PLCG2: variants seen among roughly 807,000 people sequenced by gnomAD.
PLCG2 encodes the protein phospholipase C gamma 2, also known as 1-phosphatidylinositol 4,5-bisphosphate phosphodiesterase gamma-2.
Under a neutral mutation model 175.6 loss-of-function variants are expected in PLCG2, and 69 were observed. The ratio of observed to expected loss-of-function variants is 0.39; its 90% CI spans 0.32 to 0.48. PLCG2 has a LOEUF of 0.48. Ranked by LOEUF, PLCG2 falls within the 20% of genes least tolerant of loss-of-function variation. The pLI is 0.91. For synonymous variants in PLCG2, 827 were observed against 624.0 expected, an observed-to-expected ratio of 1.33 and a Z score of -4.85; for missense variants, 1,798 against 1,650.9, an observed-to-expected ratio of 1.09 and a Z score of -1.54.
chr16:81,808,835 C>T lies in PLCG2; in HGVS notation c.193+22653C>T, dbSNP rs547791894. The stretch of plus-strand genomic sequence containing the variant: ...AGCAAGCTCCATAGCCTCTGTGGGC[C>T]TGGCCTCTGTTTCCCCCTATGCAAA... On this transcript the variant is annotated intron_variant, in intron 2 of 32. Coordinates refer to ENST00000564138, the MANE Select transcript of PLCG2 (RefSeq NM_002661.5). Among the ~76,000 whole-genome samples the T allele has an allele frequency of 2.3e-4, 35 of 152,290 alleles. No individual in the cohort carries two copies. The South Asian group carries it at 5.2e-3, about 23-fold the overall frequency.
intron 2 of PLCG2, among the ~76,000 whole-genome samples, chr16:81,818,103 C>G (rs1397110000): frequency 3.9e-5 from 6 of 152,212 alleles, no homozygotes; most frequent in African/African-American, 1.4e-4. Flanking sequence ...GTGAGAATTA[C>G]AACACCTACT....
chr16:81,848,136 G>C (rs912914587), intron 2 of PLCG2, among the ~76,000 whole-genome samples: 3 of 152,220 alleles, frequency 2.0e-5, no homozygotes, highest in Admixed American at 6.5e-5. Context: ...AGAATAGAAA[G>C]ATTAGTAGAA....
rs75763423 is a variant in PLCG2 at position 81,833,616 on chromosome 16, A to G, written c.194-20828A>G. The stretch of plus-strand genomic sequence containing the variant: ...GTGATCACAGCTCACTGTACCTTCC[A>G]CCTCCTAGGATCAAGAAATGCTCCT... On this transcript the variant is annotated intron_variant, in intron 2 of 32. Transcript: ENST00000564138. 4.9e-3 allele frequency among the ~76,000 whole-genome samples: 715 copies of G among 146,200 alleles called. 6 individuals are homozygous for G. The highest frequency in any genetic ancestry group is 0.015 in the African/African-American group (581 of 39,384).
chr16:81,789,270 A>C (rs2143190124), intron 2 of PLCG2, among the ~76,000 whole-genome samples: 1 of 152,306 alleles, frequency 6.6e-6, no homozygotes, highest in South Asian at 2.1e-4. Flanking sequence ...ATACCATTTC[A>C]CTCGCTTACG....
At chr16:81,945,296 T>C (rs1300157887) in intron 30 of PLCG2, among the ~76,000 whole-genome samples, 1 of 152,208 alleles carries the variant, frequency 6.6e-6, no homozygotes, top group Non-Finnish European at 1.5e-5. Context: ...ACTTGGAGAA[T>C]CAGTAGATAT....
At chr16:81,745,752 G>T (rs934031262) in intron 1 of PLCG2, among the ~76,000 whole-genome samples, 1 of 152,220 alleles carries the variant, frequency 6.6e-6, no homozygotes, top group African/African-American at 2.4e-5. Context: ...TGACATTAGG[G>T]TCAGGGGGGA....
At chr16:81,790,971 C>G (rs1250128638) in intron 2 of PLCG2, among the ~76,000 whole-genome samples, 1 of 152,150 alleles carries the variant, frequency 6.6e-6, no homozygotes, top group Non-Finnish European at 1.5e-5. Context: ...AGAAACTGCT[C>G]TAGAGTCATG....
intron 31 of PLCG2, among the ~76,000 whole-genome samples, chr16:81,955,762 G>C (rs573467786): frequency 6.6e-6 from 1 of 152,344 alleles, no homozygotes; most frequent in African/African-American, 2.4e-5. Context: ...GATGCGTCTA[G>C]TTGGCCTTGC....
chr16:81,807,050 T>C (rs891659503), intron 2 of PLCG2, among the ~76,000 whole-genome samples: 11 of 152,202 alleles, frequency 7.2e-5, no homozygotes, highest in Non-Finnish European at 1.0e-4. Context: ...TCCTGAGTCG[T>C]CCATTCTACC....
Position 81,895,624 on chromosome 16 carries a change from C to G in PLCG2, c.1073-183C>G. On this transcript the variant is annotated intron_variant, in intron 12 of 32. Coordinates refer to ENST00000564138, the MANE Select transcript of PLCG2 (RefSeq NM_002661.5). ...AGCTTGTCTTGGACAGCTGCACTTG[C>G]ATTATGTAAGCGCACAGGGAACCCT... is the stretch of plus-strand genomic sequence containing the variant. The G allele has an allele frequency of 5.1e-6, 3 of 589,110 alleles. 1 individual carries two copies. Among genetic ancestry groups the G allele is most frequent in the South Asian group, 4.3e-5 (2 of 46,696 alleles). 36.5% of individuals were successfully genotyped at this position (589,110 alleles called of 1,614,324 possible).
chr16:81,817,022 G>A (rs764981075), intron 2 of PLCG2, among the ~76,000 whole-genome samples: 2 of 152,178 alleles, frequency 1.3e-5, no homozygotes, highest in African/African-American at 2.4e-5. Context: ...CACTGGATGC[G>A]TTAGATGCTG....
intron 2 of PLCG2, among the ~76,000 whole-genome samples, chr16:81,813,945 G>C (rs1904428476): frequency 6.6e-6 from 1 of 152,220 alleles, no homozygotes. Flanking sequence ...ACCTGTTGAT[G>C]GGAAGAAGTT....
In PLCG2 at chr16:81,874,029, A is replaced by G. The variant is rs568189201; in HGVS notation, c.648+3094A>G. ...TAGATTGCCCCGTGTGGAACTTTGTATGGCAAAGATTCTGCCGATACCAAA... is the reference window on the plus strand; with the variant it reads ...TAGATTGCCCCGTGTGGAACTTTGTGTGGCAAAGATTCTGCCGATACCAAA... On this transcript the variant is annotated intron_variant, in intron 7 of 32. Coordinates refer to ENST00000564138, the MANE Select transcript of PLCG2 (RefSeq NM_002661.5). Among the ~76,000 whole-genome samples the G allele has an allele frequency of 8.5e-5, 13 of 152,296 alleles. No homozygotes were observed. In the East Asian group the frequency reaches 2.1e-3, roughly 25 times the overall value.
chr16:81,921,383 C>T, intron 21 of PLCG2, 114 bp downstream of exon 21: 1 of 759,110 alleles, frequency 1.3e-6, no homozygotes, highest in Non-Finnish European at 2.4e-6. Flanking sequence ...GAAAACCTGG[C>T]CAAAATAATT....
chr16:81,889,432 C>A, intron 10 of PLCG2, 159 bp downstream of exon 10: 2 of 567,986 alleles, frequency 3.5e-6, no homozygotes, highest in Non-Finnish European at 6.4e-6. Flanking sequence ...CTTTTCTTTT[C>A]TTTTTTCTCC....
At chr16:81,921,174 T>G (rs1326824533) in intron 20 of PLCG2, 24 bp from the exon 21 acceptor site, 7 of 1,415,928 alleles carry the variant, frequency 4.9e-6, no homozygotes, top group Non-Finnish European at 7.0e-6. Context: ...ATTATTCCAT[T>G]TCTTTCTTTC....
chr16:81,767,034 C>G (rs578096825), intron 2 of PLCG2: 1 of 152,130 alleles, frequency 6.6e-6, no homozygotes, highest in Non-Finnish European at 1.5e-5. Flanking sequence ...TTGCTAGTCA[C>G]TCGTGCACAG....
chr16:81,758,890 C>G (rs1387651745), intron 2 of PLCG2, among the ~76,000 whole-genome samples: 4 of 152,138 alleles, frequency 2.6e-5, no homozygotes, highest in Non-Finnish European at 2.9e-5. Context: ...GTTGGCCAGG[C>G]TGGTCTCGAA....
rs200025641 is a variant in PLCG2, at chr16:81,919,631, C to T, written c.2202C>T (p.Pro734=). 2.6e-5 allele frequency: 42 copies of T among 1,614,050 alleles called. No homozygotes were observed. Among genetic ancestry groups the T allele is most frequent in the Admixed American group, 6.7e-5 (4 of 60,014 alleles). Reference sequence around the variant, plus strand: ...ACCGAAAGATGAGACTGCGCTACCCCGTGACCCCCGAGCTCCTGGAGCGCT... The same window carrying T: ...ACCGAAAGATGAGACTGCGCTACCCTGTGACCCCCGAGCTCCTGGAGCGCT... ...SLYRKMRLRY[P]VTPELLERYN... The change falls in exon 20 of 33, where the codon CCC becomes CCT. Residue 734 remains proline (P), a synonymous_variant. Coordinates refer to ENST00000564138, the MANE Select transcript of PLCG2 (RefSeq NM_002661.5).
Sources: allele counts gnomAD v4.1 joint callset (sites outside exome capture counted in the v4.1 genomes callset), GRCh38; gene constraint gnomAD v4.1.1; transcripts MANE v1.5; gene names NCBI Gene and HGNC (gene_info 2026-07-23, HGNC 2026-07-21).